ARPC3: variants seen among roughly 807,000 people sequenced by gnomAD.
ARPC3 encodes actin-related protein 2/3 complex subunit 3.
Under a neutral mutation model 27.6 loss-of-function variants are expected in ARPC3, and 12 were observed. That is an observed-to-expected ratio of 0.43 (90% CI 0.28 to 0.70). The LOEUF (loss-of-function observed/expected upper bound fraction) is 0.70. Among genes scored for constraint, ARPC3 ranks in the 30% least tolerant of loss-of-function variants. The pLI, the probability that ARPC3 is intolerant of heterozygous loss-of-function variation, is 0.17. For synonymous variants in ARPC3, 53 were observed against 67.2 expected (o/e 0.79, Z 1.03); for missense variants, 153 against 207.7 (o/e 0.74, Z 1.62).
chr12:110,446,525 G>A (rs372441150), intron 1 of ARPC3, among the ~76,000 whole-genome samples: 9 of 150,462 alleles, frequency 6.0e-5, no homozygotes, highest in Admixed American at 2.7e-4. Flanking sequence ...TCGAACTCCC[G>A]ACCTCAGGTG....
chr12:110,436,713 C>A (rs202224082), intron 4 of ARPC3, 30 bp from the exon 5 acceptor site: 9 of 130,326 alleles, frequency 6.9e-5, no homozygotes, highest in East Asian at 4.6e-4. Context: ...TATATATATA[C>A]ACACACACAC....
chr12:110,445,351 T>C (rs2062458424), intron 2 of ARPC3, 101 bp downstream of exon 2: 1 of 929,846 alleles, frequency 1.1e-6, no homozygotes, highest in Admixed American at 1.9e-5. Flanking sequence ...CAAGGGCAAT[T>C]TGAGAGAGAA....
In ARPC3 at chr12:110,436,687, GA is replaced by G. The variant is rs59861890; in HGVS notation, c.253-5del. On this transcript the variant is annotated splice_region_variant and splice_polypyrimidine_tract_variant and intron_variant, in intron 4 of 6. Coordinates refer to ENST00000228825, the MANE Select transcript of ARPC3 (RefSeq NM_001278556.2). ...CACCTTGGCTTTTGGAATTGCACTG[GA>G]AAAAAAAATATATATATATATATAC... 77 of 807,002 alleles carry G rather than the reference GA, an allele frequency of 9.5e-5. 1 individual carries two copies. The highest frequency in any genetic ancestry group is 6.7e-4 in the Middle Eastern group (2 of 3,006). 50.0% of individuals were successfully genotyped at this position (807,002 alleles called of 1,614,324 possible).
At chr12:110,444,546 A>C (rs2062454367) in intron 2 of ARPC3, among the ~76,000 whole-genome samples, 2 of 152,046 alleles carry the variant, frequency 1.3e-5, no homozygotes, top group African/African-American at 4.8e-5. Context: ...TGGCCTTCCA[A>C]AGTGCTGGGA....
In ARPC3 at chr12:110,447,703, G is replaced by A. The variant is rs576652534; in HGVS notation, c.7-2152C>T. On this transcript the variant is annotated intron_variant, in intron 1 of 6. Coordinates refer to ENST00000228825, the MANE Select transcript of ARPC3 (RefSeq NM_001278556.2). Reference sequence around the variant, plus strand: ...CATGAGAATCGCTTGAACCCAGGAGGCAGAGGTTGCAGTGAGCCGAGATGG... The same window carrying A: ...CATGAGAATCGCTTGAACCCAGGAGACAGAGGTTGCAGTGAGCCGAGATGG... Among the ~76,000 whole-genome samples, 10 of 152,124 alleles carry A rather than the reference G, an allele frequency of 6.6e-5. No individual in the cohort carries two copies. The East Asian group carries it at 1.4e-3, about 21-fold the overall frequency.
At chr12:110,445,366 G>T in intron 2 of ARPC3, 86 bp downstream of exon 2, 1 of 1,071,128 alleles carries the variant, frequency 9.3e-7, no homozygotes, top group South Asian at 1.3e-5. Flanking sequence ...AGAGAAGACT[G>T]AGCTAAGAAT....
rs191514641 is a variant in ARPC3 at position 110,443,416 on chromosome 12, G to A, written c.106+2036C>T. ...ACTGGGATTACAGGCGTGAGCCACC[G>A]CGCCACGCCCTATTTTTTATTTATT... On this transcript the variant is annotated intron_variant, in intron 2 of 6. Transcript: ENST00000228825. 9.2e-3 allele frequency among the ~76,000 whole-genome samples: 1,373 copies of A among 148,464 alleles called. 12 individuals carry two copies. The highest frequency in any genetic ancestry group is 9.7e-3 in the Admixed American group (144 of 14,872).
Position 110,436,623 on chromosome 12 carries a change from T to C in ARPC3, c.313A>G (p.Ile105Val), listed in dbSNP as rs763887338. The C allele has an allele frequency of 6.2e-6, 10 of 1,612,668 alleles. No individual in the cohort carries two copies. The South Asian group carries it at 9.9e-5, about 16-fold the overall frequency. ...MYTLGITNFP[I>V]PGEPGFPLNA... ...AGTGGAAAACCAGGCTCTCCAGGAA[T>C]GGGAAAATTAGTGATTCCCAGCGTA... is the stretch of plus-strand genomic sequence containing the variant. The change falls in exon 5 of 7, where the codon ATT becomes GTT. Residue 105 changes from isoleucine (I) to valine (V), a missense_variant. By Grantham distance (29) the Ile-to-Val change is conservative. Coordinates refer to ENST00000228825, the MANE Select transcript of ARPC3 (RefSeq NM_001278556.2).
chr12:110,443,969 GT>G (rs34686679), intron 2 of ARPC3, among the ~76,000 whole-genome samples: 22,492 of 146,078 alleles, frequency 0.15, 2,199 homozygotes, highest in African/African-American at 0.29. Flanking sequence ...TCCAATTCAG[GT>G]TTTTTTTTTT....
chr12:110,442,425 T>C (rs1407855831), intron 2 of ARPC3, among the ~76,000 whole-genome samples: 1 of 151,980 alleles, frequency 6.6e-6, no homozygotes. Flanking sequence ...CTGGCCAACA[T>C]GGAGAAACCC....
chr12:110,444,130 C>T (rs11609364), intron 2 of ARPC3, among the ~76,000 whole-genome samples: 7,145 of 151,616 alleles, frequency 0.047, 234 homozygotes, highest in Non-Finnish European at 0.073. Flanking sequence ...CCACCATGCC[C>T]GGCTGATTGT....
At position 110,436,879 on chromosome 12, in the gene ARPC3, A is replaced by C. The variant is rs183778594; in HGVS notation, c.253-196T>G. On this transcript the variant is annotated intron_variant, in intron 4 of 6. Transcript: ENST00000228825. ...GAGAAAATATATTCAAAGCCTTAAA[A>C]CACCACTACTTTTATCTTTGTGTCA... The C allele has an allele frequency of 7.1e-4, 472 of 661,018 alleles. 1 individual carries two copies. Among genetic ancestry groups the C allele is most frequent in the African/African-American group, 7.0e-3 (385 of 54,760 alleles). 40.9% of individuals were successfully genotyped at this position (661,018 alleles called of 1,614,324 possible). A position where few individuals can be genotyped will look rare whatever the true frequency, so the allele number is the denominator to read the frequency against.
At chr12:110,436,302 C>G in intron 5 of ARPC3, 98 bp from the exon 6 acceptor site, 12 of 1,125,800 alleles carry the variant, frequency 1.1e-5, no homozygotes, top group Non-Finnish European at 1.6e-5. Flanking sequence ...CATTTTTATA[C>G]ATTTGAACAG....
chr12:110,435,960 A>G (rs1371103371), intron 6 of ARPC3, 150 bp downstream of exon 6: 12 of 751,590 alleles, frequency 1.6e-5, no homozygotes, highest in Middle Eastern at 3.7e-4. Flanking sequence ...CAGTGAACTC[A>G]TATTACATAC....
At chr12:110,436,835 C>T (rs1344736156) in intron 4 of ARPC3, 152 bp from the exon 5 acceptor site, 2 of 713,634 alleles carry the variant, frequency 2.8e-6, no homozygotes, top group African/African-American at 3.6e-5. Flanking sequence ...AGGAATTCCT[C>T]TGTCAAGATT....
intron 2 of ARPC3, among the ~76,000 whole-genome samples, chr12:110,441,296 C>A (rs1447336410): frequency 6.6e-6 from 1 of 151,436 alleles, no homozygotes; most frequent in East Asian, 1.9e-4. Context: ...CCAGGCCTGG[C>A]TAATTTTTGT....
chr12:110,447,040 G>A (rs2062468514), intron 1 of ARPC3, among the ~76,000 whole-genome samples: 1 of 152,114 alleles, frequency 6.6e-6, no homozygotes, highest in Non-Finnish European at 1.5e-5. Flanking sequence ...TTGGTATCTG[G>A]CCAAAGTATT....
At chr12:110,446,887 G>A (rs900140437) in intron 1 of ARPC3, among the ~76,000 whole-genome samples, 6 of 152,182 alleles carry the variant, frequency 3.9e-5, no homozygotes, top group African/African-American at 1.4e-4. Context: ...GATTACAGGC[G>A]TGAGCCACTG....
At chr12:110,442,965 CT>C (rs1376910184) in intron 2 of ARPC3, 1 of 152,160 alleles carries the variant, frequency 6.6e-6, no homozygotes, top group Admixed American at 6.6e-5. Context: ...GTTACTTATA[CT>C]TCTTGTCTAT....
Sources: allele counts gnomAD v4.1 joint callset (sites outside exome capture counted in the v4.1 genomes callset), GRCh38; gene constraint gnomAD v4.1.1; transcripts MANE v1.5; gene names NCBI Gene and HGNC (gene_info 2026-07-23, HGNC 2026-07-21).